GRIN2B: variants seen among roughly 807,000 people sequenced by gnomAD.
GRIN2B encodes glutamate ionotropic receptor NMDA type subunit 2B, also known as glutamate receptor ionotropic, NMDA 2B.
A neutral mutation model predicts 114.5 loss-of-function variants in GRIN2B; 5 were observed. The observed-to-expected ratio is 0.04, with a 90% CI of 0.02 to 0.09. The LOEUF (loss-of-function observed/expected upper bound fraction) is 0.09. Ranked by LOEUF, GRIN2B falls within the 10% of genes least tolerant of loss-of-function variation. The probability of loss-of-function intolerance (pLI) is 1.00; values close to 1 mark genes in which losing one functional copy is unlikely to be tolerated. For missense variants in GRIN2B, 1,108 were observed against 1,943.5 expected, an observed-to-expected ratio of 0.57 and a Z score of 8.08; for synonymous variants, 787 against 745.1, an observed-to-expected ratio of 1.06 and a Z score of -0.92.
intron 3 of GRIN2B, among the ~76,000 whole-genome samples, chr12:13,805,732 T>C (rs1381329446): frequency 6.6e-6 from 1 of 152,216 alleles, no homozygotes; most frequent in Non-Finnish European, 1.5e-5. Flanking sequence ...TTATCATTTT[T>C]CTGTGTGGTG....
At chr12:13,740,025 A>G (rs1863254163) in intron 4 of GRIN2B, among the ~76,000 whole-genome samples, 1 of 152,176 alleles carries the variant, frequency 6.6e-6, no homozygotes, top group African/African-American at 2.4e-5. Context: ...GGTGGCCAAT[A>G]AACTGAGACA....
At chr12:13,607,424 TTA>T (rs1565473892) in intron 10 of GRIN2B, among the ~76,000 whole-genome samples, 8 of 76,388 alleles carry the variant, frequency 1.0e-4, no homozygotes, top group South Asian at 2.9e-4. Context: ...ATAATATATA[TTA>T]TATATAATAT....
At chr12:13,874,576 C>T (rs1377630224) in intron 2 of GRIN2B, among the ~76,000 whole-genome samples, 1 of 152,090 alleles carries the variant, frequency 6.6e-6, no homozygotes, top group Non-Finnish European at 1.5e-5. Context: ...AATTTATAGG[C>T]CTCCAAGGAC....
chr12:13,940,877 C>G lies in GRIN2B; in HGVS notation c.-19+39051G>C, dbSNP rs374440204. On this transcript the variant is annotated intron_variant, in intron 2 of 13. Coordinates refer to ENST00000609686, the MANE Select transcript of GRIN2B (RefSeq NM_000834.5). ...CATATACCCCACAATCACCCATGCT[C>G]TCCACACACCTTCCAACATGATGAT... 2.6e-5 allele frequency among the ~76,000 whole-genome samples: 4 copies of G among 152,242 alleles called. No individual in the cohort carries two copies. The East Asian group carries it at 7.7e-4, about 29-fold the overall frequency.
chr12:13,589,848 G>A (rs1165965613), intron 10 of GRIN2B, among the ~76,000 whole-genome samples: 1 of 152,124 alleles, frequency 6.6e-6, no homozygotes, highest in Non-Finnish European at 1.5e-5. Context: ...AAACCACTGG[G>A]ACTCGGCCTC....
chr12:13,626,398 G>C (rs898664892), intron 5 of GRIN2B, among the ~76,000 whole-genome samples: 5 of 152,134 alleles, frequency 3.3e-5, no homozygotes, highest in South Asian at 2.1e-4. Flanking sequence ...TGGGCCACAG[G>C]CTGCAATCAC....
At chr12:13,764,591 C>T (rs376626916) in intron 3 of GRIN2B, among the ~76,000 whole-genome samples, 16 of 152,202 alleles carry the variant, frequency 1.1e-4, no homozygotes, top group African/African-American at 3.1e-4. Context: ...AAGGTGCCAA[C>T]GTTGATGGAA....
At position 13,546,462 on chromosome 12, in the gene GRIN2B, A is replaced by G. The variant is rs1948344168; in HGVS notation, c.*16321T>C. On this transcript the variant is annotated 3_prime_UTR_variant, in exon 14 of 14. Coordinates refer to ENST00000609686, the MANE Select transcript of GRIN2B (RefSeq NM_000834.5). ...TGACAAATCTCTGAGGGAATACACC[A>G]GAGCATCTGGATGTGGGTGTCATCG... 2 of 152,240 alleles carry G rather than the reference A, an allele frequency of 1.3e-5. No homozygotes were observed. Among genetic ancestry groups the G allele is most frequent in the Non-Finnish European group, 2.9e-5 (2 of 68,032 alleles). The allele number at this position is 152,240 out of a possible 1,614,324, so 9.4% of individuals were successfully genotyped here.
chr12:13,857,721 G>A lies in GRIN2B; in HGVS notation c.411+8077C>T, dbSNP rs546413964. The stretch of plus-strand genomic sequence containing the variant: ...TGTTGACTACACTGTCTGTTGACTA[G>A]CCCCAAAGCCATTCCCACTCCTTTC... On this transcript the variant is annotated intron_variant, in intron 3 of 13. Coordinates refer to ENST00000609686, the MANE Select transcript of GRIN2B (RefSeq NM_000834.5). 5.6e-4 allele frequency among the ~76,000 whole-genome samples: 85 copies of A among 152,136 alleles called. 1 individual carries two copies. In the East Asian group the frequency reaches 0.016, roughly 28 times the overall value.
chr12:13,719,846 T>C (rs2136591398), intron 4 of GRIN2B, among the ~76,000 whole-genome samples: 1 of 152,248 alleles, frequency 6.6e-6, no homozygotes, highest in African/African-American at 2.4e-5. Context: ...TACTTGGTGC[T>C]TTTGTCCATT....
intron 11 of GRIN2B, among the ~76,000 whole-genome samples, chr12:13,571,526 C>A (rs1347183661): frequency 1.3e-5 from 2 of 152,146 alleles, no homozygotes; most frequent in Non-Finnish European, 2.9e-5. Flanking sequence ...CTCTGCCCTC[C>A]TACTTCTACA....
At chr12:13,600,865 G>A (rs1449640564) in intron 10 of GRIN2B, among the ~76,000 whole-genome samples, 1 of 152,160 alleles carries the variant, frequency 6.6e-6, no homozygotes, top group East Asian at 1.9e-4. Context: ...CACAGCAAAA[G>A]GGAGCACACA....
chr12:13,834,197 A>ATTTTTTTTTTTTTTTTTTTT lies in GRIN2B; in HGVS notation c.411+31581_411+31600dup, dbSNP rs756189402. Among the ~76,000 whole-genome samples, 11 of 111,502 alleles carry ATTTTTTTTTTTTTTTTTTTT rather than the reference A, an allele frequency of 9.9e-5. 1 individual carries two copies. Among genetic ancestry groups the ATTTTTTTTTTTTTTTTTTTT allele is most frequent in the African/African-American group, 2.5e-4 (7 of 27,540 alleles). The allele number at this position is 111,502 out of a possible 152,430, so 73.1% of individuals were successfully genotyped here. ...AGGTGCCCACCACCACGCCTGGCTA[A>ATTTTTTTTTTTTTTTTTTTT]TTTTTTTTTTTTTTTTTTTTTAGTA... On this transcript the variant is annotated intron_variant, in intron 3 of 13. Transcript: ENST00000609686.
chr12:13,781,815 C>T (rs908711516), intron 3 of GRIN2B, among the ~76,000 whole-genome samples: 3 of 152,076 alleles, frequency 2.0e-5, no homozygotes, highest in Non-Finnish European at 2.9e-5. Flanking sequence ...AAGAAATGTT[C>T]GAAGAAAAGG....
At chr12:13,880,268 T>C (rs1866050940) in intron 2 of GRIN2B, among the ~76,000 whole-genome samples, 1 of 152,078 alleles carries the variant, frequency 6.6e-6, no homozygotes, top group Non-Finnish European at 1.5e-5. Context: ...CTGCCTTAAG[T>C]CAGAAAACAA....
At position 13,547,579 on chromosome 12, in the gene GRIN2B, AAAAG is replaced by A. The variant is rs1275162029; in HGVS notation, c.*15200_*15203del. ...CACCATTATGTAACAAAGAGAATAAAAAAGAAAGGAAAGGAGAAAACAATAATTG... is the reference window on the plus strand; with the variant it reads ...CACCATTATGTAACAAAGAGAATAAAAAAGGAAAGGAGAAAACAATAATTG... On this transcript the variant is annotated 3_prime_UTR_variant, in exon 14 of 14. Coordinates refer to ENST00000609686, the MANE Select transcript of GRIN2B (RefSeq NM_000834.5). 2 of 152,218 alleles carry A rather than the reference AAAAG, an allele frequency of 1.3e-5. No homozygotes were observed. Among genetic ancestry groups the A allele is most frequent in the African/African-American group, 4.8e-5 (2 of 41,470 alleles). The allele number at this position is 152,218 out of a possible 1,614,324, so 9.4% of individuals were successfully genotyped here.
At position 13,729,707 on chromosome 12, in the gene GRIN2B, T is replaced by C. The variant is rs191091217; in HGVS notation, c.1010+23610A>G. ...TGGAGAATGGGTTTGAGGAAAGTCA[T>C]ACTCTGTTCTGTGAAGGATTCATTT... is the stretch of plus-strand genomic sequence containing the variant. On this transcript the variant is annotated intron_variant, in intron 4 of 13. Coordinates refer to ENST00000609686, the MANE Select transcript of GRIN2B (RefSeq NM_000834.5). Among the ~76,000 whole-genome samples the C allele has an allele frequency of 2.7e-3, 403 of 151,916 alleles. 1 individual carries two copies. Among genetic ancestry groups the C allele is most frequent in the Non-Finnish European group, 4.1e-3 (278 of 67,970 alleles).
At chr12:13,694,173 A>G (rs921940700) in intron 4 of GRIN2B, among the ~76,000 whole-genome samples, 3 of 152,168 alleles carry the variant, frequency 2.0e-5, no homozygotes, top group Admixed American at 2.0e-4. Context: ...AAAATTAAAG[A>G]TAAGTCAAAA....
At chr12:13,665,877 A>C (rs1949969009) in intron 5 of GRIN2B, among the ~76,000 whole-genome samples, 1 of 152,192 alleles carries the variant, frequency 6.6e-6, no homozygotes, top group Admixed American at 6.5e-5. Flanking sequence ...TTCTATAAAG[A>C]GAATGCTGAG....
Sources: allele counts gnomAD v4.1 joint callset (sites outside exome capture counted in the v4.1 genomes callset), GRCh38; gene constraint gnomAD v4.1.1; transcripts MANE v1.5; gene names NCBI Gene and HGNC (gene_info 2026-07-23, HGNC 2026-07-21).